GPC5: variants seen among roughly 807,000 people sequenced by gnomAD.
GPC5 encodes the protein glypican-5.
Under a neutral mutation model 53.9 loss-of-function variants are expected in GPC5, and 47 were observed. That is an observed-to-expected ratio of 0.87 (90% CI 0.69 to 1.11). The LOEUF (loss-of-function observed/expected upper bound fraction) is 1.11. GPC5 is among the 50% of genes most tolerant of loss of function. The pLI is 0.00. For synonymous variants in GPC5, 286 were observed against 263.3 expected, an observed-to-expected ratio of 1.09 and a Z score of -0.84; for missense variants, 748 against 713.1, an observed-to-expected ratio of 1.05 and a Z score of -0.56.
rs140743128 is a variant in GPC5, at chr13:92,390,685, C to T, written c.1561+245696C>T. 4.4e-3 allele frequency among the ~76,000 whole-genome samples: 670 copies of T among 152,092 alleles called. 2 individuals carry two copies. Among genetic ancestry groups the T allele is most frequent in the African/African-American group, 0.015 (640 of 41,480 alleles). ...GTATTTATCGTATGTTTCTCTTGCC[C>T]TCACTCACTTTTTAATGCGTATGTA... On this transcript the variant is annotated intron_variant, in intron 7 of 7. Transcript: ENST00000377067.
intron 1 of GPC5, among the ~76,000 whole-genome samples, chr13:91,427,902 A>C (rs1355775695): frequency 6.6e-6 from 1 of 151,858 alleles, no homozygotes; most frequent in African/African-American, 2.4e-5. Flanking sequence ...GTTTTTTTAA[A>C]TGGTAGTTTT....
intron 5 of GPC5, among the ~76,000 whole-genome samples, chr13:91,876,270 G>A (rs1280346868): frequency 1.3e-5 from 2 of 152,208 alleles, no homozygotes; most frequent in African/African-American, 4.8e-5. Context: ...ACCCAAAAAT[G>A]TGTTAGCAAC....
At chr13:92,422,933 G>A (rs147085732) in intron 7 of GPC5, among the ~76,000 whole-genome samples, 13 of 152,196 alleles carry the variant, frequency 8.5e-5, no homozygotes, top group South Asian at 2.1e-4. Flanking sequence ...TAGCCTTATC[G>A]TTCCTTCAGG....
chr13:92,008,597 A>G (rs950998055), intron 6 of GPC5, among the ~76,000 whole-genome samples: 3 of 152,034 alleles, frequency 2.0e-5, no homozygotes, highest in African/African-American at 7.2e-5. Context: ...ATAGAATTCT[A>G]TTTGACAATG....
chr13:91,439,984 C>T (rs1293346778), intron 1 of GPC5, among the ~76,000 whole-genome samples: 2 of 152,080 alleles, frequency 1.3e-5, no homozygotes, highest in South Asian at 4.2e-4. Context: ...TTTTTTCTCC[C>T]CTTTGTTTAC....
intron 2 of GPC5, among the ~76,000 whole-genome samples, chr13:91,539,579 C>G (rs1050695041): frequency 1.3e-5 from 2 of 152,134 alleles, no homozygotes; most frequent in Non-Finnish European, 2.9e-5. Context: ...TACTGAAACT[C>G]TCACTGGCTG....
intron 2 of GPC5, among the ~76,000 whole-genome samples, chr13:91,581,619 C>T (rs2032363768): frequency 6.6e-6 from 1 of 152,132 alleles, no homozygotes. Context: ...TTTGCAACAT[C>T]AATTTGCTTG....
At chr13:92,246,197 A>G (rs541228458) in intron 7 of GPC5, among the ~76,000 whole-genome samples, 1 of 152,216 alleles carries the variant, frequency 6.6e-6, no homozygotes, top group South Asian at 2.1e-4. Context: ...GTCAAATTTA[A>G]ACGGCATCCT....
intron 6 of GPC5, among the ~76,000 whole-genome samples, chr13:92,139,067 T>C (rs2041808317): frequency 6.6e-6 from 1 of 152,208 alleles, no homozygotes; most frequent in Admixed American, 6.5e-5. Context: ...AACACAAATA[T>C]ATGTTGGAAG....
At chr13:92,491,289 A>C (rs1879751131) in intron 7 of GPC5, among the ~76,000 whole-genome samples, 2 of 152,126 alleles carry the variant, frequency 1.3e-5, no homozygotes, top group South Asian at 4.1e-4. Context: ...TGATTTTTTT[A>C]GTCTTCAAGT....
At chr13:92,715,885 G>A (rs1037192015) in intron 7 of GPC5, among the ~76,000 whole-genome samples, 4 of 152,184 alleles carry the variant, frequency 2.6e-5, no homozygotes, top group African/African-American at 4.8e-5. Context: ...ACTTGTGTGT[G>A]TGTGCAGAAT....
chr13:91,464,627 CAAAAT>C (rs1276676965), intron 2 of GPC5, among the ~76,000 whole-genome samples: 1 of 151,964 alleles, frequency 6.6e-6, no homozygotes, highest in Admixed American at 6.6e-5. Context: ...CTTGAAATAA[CAAAAT>C]AACAGAGATG....
intron 7 of GPC5, among the ~76,000 whole-genome samples, chr13:92,316,302 A>C (rs918274223): frequency 3.9e-5 from 6 of 152,194 alleles, no homozygotes; most frequent in African/African-American, 1.4e-4. Context: ...ACTAAGTATA[A>C]AATAATTGAT....
chr13:91,802,287 C>A (rs191188150), intron 5 of GPC5, among the ~76,000 whole-genome samples: 2 of 151,894 alleles, frequency 1.3e-5, no homozygotes, highest in East Asian at 3.9e-4. Flanking sequence ...GGAGTGCAGA[C>A]ACAGACCTTC....
intron 5 of GPC5, among the ~76,000 whole-genome samples, chr13:91,849,485 C>T (rs2138887810): frequency 6.7e-6 from 1 of 148,748 alleles, no homozygotes; most frequent in South Asian, 2.1e-4. Flanking sequence ...TAGCCAAATT[C>T]TATATTCAGA....
intron 2 of GPC5, among the ~76,000 whole-genome samples, chr13:91,683,859 T>A (rs565012724): frequency 6.6e-6 from 1 of 152,176 alleles, no homozygotes; most frequent in Non-Finnish European, 1.5e-5. Context: ...CCCCCTCCAG[T>A]GCCTGTCTTG....
chr13:92,338,706 A>G (rs1222053521), intron 7 of GPC5, among the ~76,000 whole-genome samples: 2 of 152,104 alleles, frequency 1.3e-5, no homozygotes, highest in Non-Finnish European at 2.9e-5. Flanking sequence ...GGTGACAGTA[A>G]AAAACAATCA....
At chr13:92,304,674 T>C (rs1191792781) in intron 7 of GPC5, among the ~76,000 whole-genome samples, 1 of 130,292 alleles carries the variant, frequency 7.7e-6, no homozygotes, top group Non-Finnish European at 1.6e-5. Context: ...TTCTCAAATA[T>C]GTAAGTTAAA....
At position 92,663,877 on chromosome 13, in the gene GPC5, TATATATATATATATATATATATATATAC is replaced by T. The variant is rs1296488993; in HGVS notation, c.1562-202403_1562-202376del. Reference sequence around the variant, plus strand: ...CACACTATATATATATATATATATATATATATATATATATATATATATATATACACACACACACACAAAAATTAGCTCG... The same window carrying T: ...CACACTATATATATATATATATATATACACACACACACAAAAATTAGCTCG... On this transcript the variant is annotated intron_variant, in intron 7 of 7. Transcript: ENST00000377067. Among the ~76,000 whole-genome samples, 9 of 57,418 alleles carry T rather than the reference TATATATATATATATATATATATATATAC, an allele frequency of 1.6e-4. 1 individual carries two copies. The highest frequency in any genetic ancestry group is 7.0e-4 in the African/African-American group (9 of 12,806). The allele number at this position is 57,418 out of a possible 152,430, so 37.7% of individuals were successfully genotyped here.
Sources: gnomAD v4.1 joint callset for allele counts (sites outside exome capture counted in the v4.1 genomes callset) on GRCh38, gnomAD v4.1.1 for gene constraint, MANE v1.5 for transcripts, NCBI Gene and HGNC (gene_info 2026-07-23, HGNC 2026-07-21) for gene names.